Variants in ARHGEF7 observed in about 807,000 individuals in gnomAD.
ARHGEF7 encodes Rho guanine nucleotide exchange factor 7.
A neutral mutation model predicts 109.8 loss-of-function variants in ARHGEF7; 33 were observed. The ratio of observed to expected loss-of-function variants is 0.30; its 90% CI spans 0.23 to 0.40. ARHGEF7 has a LOEUF of 0.40. Ranked by LOEUF, ARHGEF7 falls within the 10% of genes least tolerant of loss-of-function variation. The pLI, the probability that ARHGEF7 is intolerant of heterozygous loss-of-function variation, is 1.00. For synonymous variants in ARHGEF7, 458 were observed against 424.6 expected (o/e 1.08, Z -0.97); for missense variants, 938 against 1,098.5 (o/e 0.85, Z 2.07).
chr13:111,275,874 T>C, intron 12 of ARHGEF7, 196 bp downstream of exon 12: 1 of 643,046 alleles, frequency 1.6e-6, no homozygotes, highest in Non-Finnish European at 2.6e-6. Flanking sequence ...GAGTGTGGAC[T>C]TGTTGATCAG....
At chr13:111,141,287 C>G (rs2075333939) in intron 1 of ARHGEF7, among the ~76,000 whole-genome samples, 1 of 152,064 alleles carries the variant, frequency 6.6e-6, no homozygotes, top group Non-Finnish European at 1.5e-5. Flanking sequence ...CCTGAAGTCC[C>G]CTTTACTCCG....
At position 111,208,365 on chromosome 13, in the gene ARHGEF7, C is replaced by G. The variant is rs113608731; in HGVS notation, c.338-1507C>G. Among the ~76,000 whole-genome samples the G allele has an allele frequency of 7.3e-3, 1,109 of 152,296 alleles. 10 individuals are homozygous for G. Among genetic ancestry groups the G allele is most frequent in the Non-Finnish European group, 0.013 (911 of 68,022 alleles). On this transcript the variant is annotated intron_variant, in intron 3 of 21. Transcript: ENST00000646102. ...TCGTTTCTTTCTAGATTTCAGCTTT[C>G]CTTGATTGGCAAACAGTAAGACAAC...
chr13:111,147,415 A>T (rs2075655572), intron 1 of ARHGEF7, among the ~76,000 whole-genome samples: 1 of 152,110 alleles, frequency 6.6e-6, no homozygotes, highest in African/African-American at 2.4e-5. Context: ...TGTGGTTTTA[A>T]TTTGCATTTC....
chr13:111,266,757 A>G lies in ARHGEF7; in HGVS notation c.951-791A>G, dbSNP rs1006185684. On this transcript the variant is annotated intron_variant, in intron 8 of 21. Transcript: ENST00000646102. This position sits in a 1 kb window ranked among gnomAD's most constrained non-coding sequence, Gnocchi z 4.8. ...TAATCCTTCTGGTAATATTGTGGGTATCTGGGGAGCAAAGACACCCTGGGG... is the reference window on the plus strand; with the variant it reads ...TAATCCTTCTGGTAATATTGTGGGTGTCTGGGGAGCAAAGACACCCTGGGG... 2.4e-5 allele frequency: 11 copies of G among 454,694 alleles called. No individual in the cohort carries two copies. The highest frequency in any genetic ancestry group is 4.0e-5 in the Non-Finnish European group (9 of 225,822). The allele number at this position is 454,694 out of a possible 1,614,324, so 28.2% of individuals were successfully genotyped here. A position where few individuals can be genotyped will look rare whatever the true frequency, so the allele number is the denominator to read the frequency against.
chr13:111,222,688 C>A (rs1422510517), intron 5 of ARHGEF7, among the ~76,000 whole-genome samples: 1 of 152,354 alleles, frequency 6.6e-6, no homozygotes, highest in East Asian at 1.9e-4. Flanking sequence ...CTCAGCCTCC[C>A]AAAGTGCTGG....
chr13:111,213,370 A>G (rs1260046148), intron 4 of ARHGEF7, among the ~76,000 whole-genome samples: 2 of 152,198 alleles, frequency 1.3e-5, no homozygotes, highest in Non-Finnish European at 2.9e-5. Context: ...CGTAACGTAC[A>G]TAGAAAACCA....
chr13:111,175,344 G>A (rs1324623069), intron 2 of ARHGEF7, among the ~76,000 whole-genome samples: 1 of 152,226 alleles, frequency 6.6e-6, no homozygotes, highest in Admixed American at 6.5e-5. Flanking sequence ...GAAGAAGACA[G>A]AGTGAGGGGA....
At chr13:111,292,558 A>T (rs754789446) in intron 19 of ARHGEF7, 3 of 1,367,788 alleles carry the variant, frequency 2.2e-6, no homozygotes, top group Non-Finnish European at 2.8e-6. Flanking sequence ...CCTACATCCG[A>T]GGGTGCTCTT....
At chr13:111,177,950 G>A (rs937755408) in intron 2 of ARHGEF7, among the ~76,000 whole-genome samples, 5 of 152,104 alleles carry the variant, frequency 3.3e-5, no homozygotes, top group Non-Finnish European at 5.9e-5. Flanking sequence ...GTGTGGTCCC[G>A]AGAACCCTGG....
At position 111,292,195 on chromosome 13, in the gene ARHGEF7, C is replaced by T. The variant is rs1365814681; in HGVS notation, c.2212C>T (p.Arg738Cys). 5 of 1,614,102 alleles carry T rather than the reference C, an allele frequency of 3.1e-6. No homozygotes were observed. The highest frequency in any genetic ancestry group is 1.7e-4 in the Middle Eastern group (1 of 6,006). ...ACCAAGCCTAGACTCCCTGGGGCGT[C>T]GCAGTAGCCTTTCTCGTTTGGAGCC... ...DQPSLDSLGR[R>C]SSLSRLEPSD... The change falls in exon 19 of 22, where the codon CGC becomes TGC. Residue 738 changes from arginine to cysteine, a missense_variant. By Grantham distance (180) the Arg-to-Cys change is radical (BLOSUM62 -3). This residue lies in a region of ARHGEF7 where 166 missense variants were observed against 167.3 expected (regional missense o/e 0.99). Transcript: ENST00000646102.
In ARHGEF7 at chr13:111,292,214, T is replaced by C; in HGVS notation, c.2231T>C (p.Leu744Ser). The C allele has an allele frequency of 6.2e-7, 1 of 1,614,236 alleles. No homozygotes were observed. The highest frequency in any genetic ancestry group is 1.7e-4 in the Middle Eastern group (1 of 6,058). ...SLGRRSSLSR[L>S]EPSDLSEDSD... ...GGGCGTCGCAGTAGCCTTTCTCGTT[T>C]GGAGCCTTCAGACCTCTCGGAAGAC... Residue 744 changes from leucine to serine, a missense_variant, in exon 19 of 22, where the codon TTG becomes TCG. By Grantham distance (145) the Leu-to-Ser change is moderately radical (BLOSUM62 -2). This residue lies in a region of ARHGEF7 where 166 missense variants were observed against 167.3 expected (regional missense o/e 0.99). Coordinates refer to ENST00000646102, the MANE Select transcript of ARHGEF7 (RefSeq NM_001354046.2).
At chr13:111,251,693 G>A (rs1406073961) in intron 8 of ARHGEF7, among the ~76,000 whole-genome samples, 1 of 152,222 alleles carries the variant, frequency 6.6e-6, no homozygotes, top group Non-Finnish European at 1.5e-5. Flanking sequence ...AGGCATTGTA[G>A]TTAGTGCTTC....
chr13:111,291,320 T>A (rs1482000086), intron 18 of ARHGEF7, among the ~76,000 whole-genome samples: 1 of 152,282 alleles, frequency 6.6e-6, no homozygotes, highest in Non-Finnish European at 1.5e-5. Flanking sequence ...CCACTTCCTC[T>A]GTCATTCTCC....
intron 8 of ARHGEF7, among the ~76,000 whole-genome samples, chr13:111,261,221 CA>C (rs1163606477): frequency 1.3e-5 from 2 of 151,202 alleles, no homozygotes; most frequent in South Asian, 2.1e-4. Flanking sequence ...ACCAAAAAGA[CA>C]AAAAACCCAA....
At chr13:111,162,599 C>G (rs753285024) in intron 2 of ARHGEF7, among the ~76,000 whole-genome samples, 3 of 152,118 alleles carry the variant, frequency 2.0e-5, no homozygotes, top group Non-Finnish European at 4.4e-5. Flanking sequence ...AGTCCAGCAT[C>G]GTAAGGAGCT....
Position 111,115,493 on chromosome 13 carries a change from G to A in ARHGEF7, c.-34G>A, listed in dbSNP as rs753217103. On this transcript the variant is annotated 5_prime_UTR_variant, in exon 1 of 22. Transcript: ENST00000646102. ...GGCCGCCGCTCCGAGGTGAAGGCGCGCGCCCCTCCCCGCCTGCCTCCCGGG... is the reference window on the plus strand; with the variant it reads ...GGCCGCCGCTCCGAGGTGAAGGCGCACGCCCCTCCCCGCCTGCCTCCCGGG... The A allele has an allele frequency of 5.0e-6, 6 of 1,202,228 alleles. No homozygotes were observed. The South Asian group carries it at 1.0e-4, about 20-fold the overall frequency. 74.5% of individuals were successfully genotyped at this position (1,202,228 alleles called of 1,614,324 possible). A position where few individuals can be genotyped will look rare whatever the true frequency, so the allele number is the denominator to read the frequency against.
At chr13:111,293,801 G>T (rs201531278) in intron 19 of ARHGEF7, 16 of 985,328 alleles carry the variant, frequency 1.6e-5, no homozygotes, top group Non-Finnish European at 1.8e-5. Context: ...CCAAACCCAC[G>T]TATTCAGTGT....
At chr13:111,221,358 T>C (rs2084023791) in intron 5 of ARHGEF7, among the ~76,000 whole-genome samples, 1 of 32,726 alleles carries the variant, frequency 3.1e-5, no homozygotes, top group Non-Finnish European at 6.7e-5. Flanking sequence ...TATGTCTATA[T>C]ATATATCTAT....
chr13:111,251,100 T>C (rs2089694976), intron 8 of ARHGEF7, among the ~76,000 whole-genome samples: 1 of 152,218 alleles, frequency 6.6e-6, no homozygotes, highest in Non-Finnish European at 1.5e-5. Flanking sequence ...ATGGTGGTCT[T>C]TGTGACACCT....
Sources: gnomAD v4.1 joint callset for allele counts (sites outside exome capture counted in the v4.1 genomes callset) on GRCh38, gnomAD v4.1.1 for gene constraint, gnomAD v4.1.1 regional missense constraint, Gnocchi (gnomAD v3.1) non-coding constraint, MANE v1.5 for transcripts, NCBI Gene and HGNC (gene_info 2026-07-23, HGNC 2026-07-21) for gene names.